PFKL: variants seen among roughly 807,000 people sequenced by gnomAD.
The protein encoded by PFKL is ATP-dependent 6-phosphofructokinase, liver type.
PFKL carries 74 observed loss-of-function variants against 92.1 expected under a neutral mutation model. That is an observed-to-expected ratio of 0.80 (90% CI 0.67 to 0.97). PFKL has a LOEUF of 0.97. Ranked by LOEUF, PFKL falls within the 50% of genes least tolerant of loss-of-function variation. The pLI, the probability that PFKL is intolerant of heterozygous loss-of-function variation, is 0.00. For synonymous variants in PFKL, 494 were observed against 456.4 expected (o/e 1.08, Z -1.05); for missense variants, 1,028 against 1,116.6 (o/e 0.92, Z 1.13).
chr21:44,321,490 T>A, intron 12 of PFKL: 2 of 308,898 alleles, frequency 6.5e-6, no homozygotes, highest in East Asian at 5.5e-5. Flanking sequence ...GCCTCCTCTG[T>A]TGCCTGCGTG....
At chr21:44,319,240 G>T (rs575170860) in intron 10 of PFKL, 111 bp from the exon 11 acceptor site, 39 of 891,238 alleles carry the variant, frequency 4.4e-5, no homozygotes, top group Non-Finnish European at 6.3e-5. Flanking sequence ...CTGGGCCAGG[G>T]TCAGGAGATG....
chr21:44,322,940 G>T, intron 14 of PFKL, 22 bp from the exon 15 acceptor site: 5 of 1,579,128 alleles, frequency 3.2e-6, no homozygotes, highest in Middle Eastern at 1.8e-4. Flanking sequence ...GCGTGTTCAT[G>T]CGGATGTGTC....
At position 44,327,350 on chromosome 21, in the gene PFKL, G is replaced by C. The variant is rs867776092; in HGVS notation, c.*488G>C. The C allele has an allele frequency of 4.0e-4, 71 of 176,850 alleles. No individual in the cohort carries two copies. Among genetic ancestry groups the C allele is most frequent in the African/African-American group, 1.5e-3 (64 of 42,510 alleles). The allele number at this position is 176,850 out of a possible 1,614,324, so 11.0% of individuals were successfully genotyped here. A position where few individuals can be genotyped will look rare whatever the true frequency, so the allele number is the denominator to read the frequency against. ...TTCTAGAAATAAAATCACCCTGACT[G>C]TGGGGTGCATCGGTCTCCGGAGAGC... On this transcript the variant is annotated 3_prime_UTR_variant, in exon 22 of 22. Coordinates refer to ENST00000349048, the MANE Select transcript of PFKL (RefSeq NM_002626.6).
At chr21:44,308,847 C>G (rs1313248280) in intron 2 of PFKL, among the ~76,000 whole-genome samples, 4 of 152,134 alleles carry the variant, frequency 2.6e-5, no homozygotes, top group African/African-American at 9.7e-5. Flanking sequence ...CAGGCGCGAG[C>G]CACTGTGCAC....
intron 9 of PFKL, among the ~76,000 whole-genome samples, chr21:44,316,921 C>A (rs1444951818): frequency 1.3e-5 from 2 of 152,168 alleles, no homozygotes; most frequent in Non-Finnish European, 2.9e-5. Flanking sequence ...CCACCCTCTG[C>A]CAGCCCAACG....
intron 15 of PFKL, 86 bp downstream of exon 15, chr21:44,323,135 G>A (rs911427364): frequency 6.9e-6 from 8 of 1,166,892 alleles, no homozygotes; most frequent in Non-Finnish European, 8.9e-6. Context: ...CTGAAAACCC[G>A]TGTGCTGGCT....
At chr21:44,304,506 G>C in intron 1 of PFKL, 3 of 1,146,770 alleles carry the variant, frequency 2.6e-6, no homozygotes, top group Non-Finnish European at 3.3e-6. Context: ...GCGAGGGAGG[G>C]ACGGAGGCTT....
chr21:44,324,837 G>A lies in PFKL; in HGVS notation c.1816-19G>A, dbSNP rs766872010. The A allele has an allele frequency of 1.6e-5, 26 of 1,603,182 alleles. No homozygotes were observed. The highest frequency in any genetic ancestry group is 6.9e-5 in the Admixed American group (4 of 58,220). On this transcript the variant is annotated intron_variant, in intron 17 of 21. Coordinates refer to ENST00000349048, the MANE Select transcript of PFKL (RefSeq NM_002626.6). ...CTCCCCACAGTCCTCCGGCTCATCC[G>A]TGTCCGCCCCTCCCGCAGGTCAACG...
chr21:44,316,181 G>A (rs1315811759), intron 7 of PFKL, 63 bp from the exon 8 acceptor site: 2 of 1,508,612 alleles, frequency 1.3e-6, no homozygotes, highest in Non-Finnish European at 1.8e-6. Context: ...CTGGCACCCG[G>A]GGGCTGTGTC....
chr21:44,313,775 T>G, intron 6 of PFKL, 93 bp downstream of exon 6: 1 of 1,399,086 alleles, frequency 7.1e-7, no homozygotes, highest in African/African-American at 1.4e-5. Context: ...GCTCAGTTAA[T>G]GCCATGGGTG....
chr21:44,309,854 A>C (rs12483238), intron 2 of PFKL, among the ~76,000 whole-genome samples: 9,445 of 152,286 alleles, frequency 0.062, 351 homozygotes, highest in South Asian at 0.1. Context: ...CCCCCAGCCC[A>C]GCTGGTGGGG....
chr21:44,309,152 T>C (rs1192694981), intron 2 of PFKL, among the ~76,000 whole-genome samples: 1 of 152,144 alleles, frequency 6.6e-6, no homozygotes, highest in Non-Finnish European at 1.5e-5. Context: ...CACATCAGAC[T>C]GCATTTTGGG....
rs772061560 is a variant in PFKL at position 44,312,162 on chromosome 21, C to G, written c.295C>G (p.Arg99Gly). 1.3e-6 allele frequency: 2 copies of G among 1,593,500 alleles called. No homozygotes were observed. Among genetic ancestry groups the G allele is most frequent in the Non-Finnish European group, 8.5e-7 (1 of 1,170,626 alleles). Residue 99 changes from arginine to glycine, a missense_variant, in exon 4 of 22, where the codon CGG (arginine) becomes GGG (glycine). Coordinates refer to ENST00000349048, the MANE Select transcript of PFKL (RefSeq NM_002626.6). ...CKAFTTREGR[R>G]AAAYNLVQHG... ...GGCCTTTACCACCAGGGAGGGGCGCCGGGCAGCGGCCTACAACCTGGTCCA... is the reference window on the plus strand; with the variant it reads ...GGCCTTTACCACCAGGGAGGGGCGCGGGGCAGCGGCCTACAACCTGGTCCA...
Position 44,321,860 on chromosome 21 carries a change from C to G in PFKL, c.1323C>G (p.Gly441=), listed in dbSNP as rs761462659. ...TVYVVHDGFE[G]LAKGQVQEVG... ...ACGTGGTGCACGATGGCTTCGAAGG[C>G]CTAGCCAAGGGTCAGGTGGGTCCGG... Residue 441 remains glycine (G), a synonymous_variant, in exon 13 of 22, where the codon GGC becomes GGG. Transcript: ENST00000349048. 1.9e-6 allele frequency: 3 copies of G among 1,552,356 alleles called. No individual in the cohort carries two copies. The highest frequency in any genetic ancestry group is 1.9e-5 in the Admixed American group (1 of 51,816).
rs2047492739 is a variant in PFKL at position 44,325,891 on chromosome 21, C to T, written c.1990-70C>T. ...GGGAGGCTCCCCGTGGGGATCCTGT[C>T]TGCACTGGCGTTGGCCTTGGCCCAG... On this transcript the variant is annotated intron_variant, in intron 19 of 21. Coordinates refer to ENST00000349048, the MANE Select transcript of PFKL (RefSeq NM_002626.6). 7.8e-6 allele frequency: 9 copies of T among 1,149,272 alleles called. No individual in the cohort carries two copies. The South Asian group carries it at 1.2e-4, about 15-fold the overall frequency. The allele number at this position is 1,149,272 out of a possible 1,614,324, so 71.2% of individuals were successfully genotyped here.
chr21:44,312,742 G>A (rs1397781948), intron 4 of PFKL, among the ~76,000 whole-genome samples: 4 of 152,188 alleles, frequency 2.6e-5, no homozygotes, highest in Non-Finnish European at 4.4e-5. Flanking sequence ...ACCCTGATGT[G>A]AGGCCTTGGC....
At chr21:44,313,268 C>T in intron 5 of PFKL, 125 bp downstream of exon 5, 2 of 1,073,254 alleles carry the variant, frequency 1.9e-6, no homozygotes, top group Admixed American at 2.3e-5. Flanking sequence ...TCCAGGCCAG[C>T]CGCCCTCAGC....
chr21:44,312,713 C>T (rs903745367), intron 4 of PFKL, among the ~76,000 whole-genome samples: 2 of 152,228 alleles, frequency 1.3e-5, no homozygotes, highest in Admixed American at 6.5e-5. Context: ...ATGTCTGTTC[C>T]ATGTCCCTCA....
At position 44,323,854 on chromosome 21, in the gene PFKL, G is replaced by C; in HGVS notation, c.1586G>C (p.Ser529Thr). ...IVMCVIPATI[S>T]NNVPGTDFSL... ...ATGTGTGTCATCCCAGCCACCATCA[G>C]CAACAACGTCCCTGGCACCGACTTC... The change falls in exon 16 of 22, where the codon AGC (serine) becomes ACC (threonine). Residue 529 changes from serine (S) to threonine (T), a missense_variant. Physicochemically the swap from Ser to Thr is moderately conservative, Grantham distance 58. Coordinates refer to ENST00000349048, the MANE Select transcript of PFKL (RefSeq NM_002626.6). 1 of 1,613,596 alleles carries C rather than the reference G, an allele frequency of 6.2e-7. No homozygotes were observed.
Sources: gnomAD v4.1 joint callset for allele counts (sites outside exome capture counted in the v4.1 genomes callset) on GRCh38, gnomAD v4.1.1 for gene constraint, MANE v1.5 for transcripts, NCBI Gene and HGNC (gene_info 2026-07-23, HGNC 2026-07-21) for gene names.